The following CACNA1C variants were observed in gnomAD, a reference collection of about 807,000 sequenced individuals.
The protein encoded by CACNA1C is voltage-dependent L-type calcium channel subunit alpha-1C.
A neutral mutation model predicts 229.0 loss-of-function variants in CACNA1C; 30 were observed. The ratio of observed to expected loss-of-function variants is 0.13; its 90% CI spans 0.10 to 0.18. The LOEUF (loss-of-function observed/expected upper bound fraction) is 0.18. CACNA1C is among the 10% of genes least tolerant of loss of function. The pLI is 1.00. For synonymous variants in CACNA1C, 1,114 were observed against 1,132.5 expected, an observed-to-expected ratio of 0.98 and a Z score of 0.33; for missense variants, 1,658 against 2,845.0, an observed-to-expected ratio of 0.58 and a Z score of 9.49.
At chr12:2,636,487 T>C (rs1430588182) in intron 30 of CACNA1C, among the ~76,000 whole-genome samples, 5 of 152,208 alleles carry the variant, frequency 3.3e-5, no homozygotes, top group Non-Finnish European at 7.3e-5. Flanking sequence ...ATTGGAATAG[T>C]GGTTTTCTAT....
intron 18 of CACNA1C, among the ~76,000 whole-genome samples, chr12:2,589,160 A>G (rs1429453242): frequency 6.6e-6 from 1 of 152,070 alleles, no homozygotes; most frequent in Non-Finnish European, 1.5e-5. Flanking sequence ...TGTGCTAGGT[A>G]CCAGGGACAT....
intron 3 of CACNA1C, among the ~76,000 whole-genome samples, chr12:2,169,881 T>C (rs2096403892): frequency 6.6e-6 from 1 of 152,184 alleles, no homozygotes; most frequent in Admixed American, 6.5e-5. Context: ...TTAGAACAGG[T>C]TGATTGAGGA....
chr12:2,024,318 A>G (rs1812498074), intron 1 of CACNA1C, among the ~76,000 whole-genome samples: 2 of 152,310 alleles, frequency 1.3e-5, no homozygotes, highest in South Asian at 4.1e-4. Flanking sequence ...GTATTTATAG[A>G]TGACATCCTT....
intron 3 of CACNA1C, among the ~76,000 whole-genome samples, chr12:2,425,529 G>T (rs2099021601): frequency 6.6e-6 from 1 of 152,212 alleles, no homozygotes; most frequent in Non-Finnish European, 1.5e-5. Flanking sequence ...ACAACAGCAA[G>T]TCACATTTTG....
chr12:1,999,568 T>A (rs971046554), intron 1 of CACNA1C, among the ~76,000 whole-genome samples: 2 of 151,662 alleles, frequency 1.3e-5, no homozygotes, highest in African/African-American at 4.8e-5. Flanking sequence ...AAAACAAAAA[T>A]TTTTTTAATT....
At position 2,479,854 on chromosome 12, in the gene CACNA1C, C is replaced by T. The variant is rs1382193897; in HGVS notation, c.758-6250C>T. Among the ~76,000 whole-genome samples the T allele has an allele frequency of 1.3e-5, 2 of 152,132 alleles. No homozygotes were observed. Among genetic ancestry groups the T allele is most frequent in the Non-Finnish European group, 2.9e-5 (2 of 68,036 alleles). ...GCCATTTCTTTTCATCCAGGCTTTC[C>T]GTATTGGCAGAATCTCACATGGTGC... is the stretch of plus-strand genomic sequence containing the variant. On this transcript the variant is annotated intron_variant, in intron 5 of 46. Transcript: ENST00000399655. This position sits in a 1 kb window ranked among gnomAD's most constrained non-coding sequence, Gnocchi z 4.3.
Position 2,106,168 on chromosome 12 carries a change from T to C in CACNA1C, c.50-9056T>C, listed in dbSNP as rs28368256. Among the ~76,000 whole-genome samples the C allele has an allele frequency of 5.1e-4, 18 of 35,164 alleles. 2 individuals carry two copies. The highest frequency in any genetic ancestry group is 1.8e-3 in the Admixed American group (6 of 3,328). The allele number at this position is 35,164 out of a possible 152,430, so 23.1% of individuals were successfully genotyped here. On this transcript the variant is annotated intron_variant, in intron 1 of 46. Coordinates refer to ENST00000399655, the MANE Select transcript of CACNA1C (RefSeq NM_000719.7). ...TCCTGAAGCCACTGGGCGCCCACCCTGGAGAGAGTTTCCACCTCAGCTGGG... is the reference window on the plus strand; with the variant it reads ...TCCTGAAGCCACTGGGCGCCCACCCCGGAGAGAGTTTCCACCTCAGCTGGG...
At chr12:2,336,391 G>C (rs2096695971) in intron 3 of CACNA1C, among the ~76,000 whole-genome samples, 3 of 152,186 alleles carry the variant, frequency 2.0e-5, no homozygotes. Context: ...GGTTTTTAAA[G>C]AGCCGTGTTT....
intron 3 of CACNA1C, among the ~76,000 whole-genome samples, chr12:2,362,899 G>A (rs2097597141): frequency 6.6e-6 from 1 of 152,180 alleles, no homozygotes; most frequent in Non-Finnish European, 1.5e-5. Context: ...TCTGACCCAG[G>A]TGTGAACTGG....
intron 3 of CACNA1C, among the ~76,000 whole-genome samples, chr12:2,314,115 A>G (rs1339591995): frequency 2.0e-5 from 3 of 152,090 alleles, no homozygotes; most frequent in African/African-American, 7.2e-5. Context: ...TGTCACCATC[A>G]GGGAATCTAG....
At chr12:2,228,320 T>TA (rs1319664313) in intron 3 of CACNA1C, among the ~76,000 whole-genome samples, 1 of 152,210 alleles carries the variant, frequency 6.6e-6, no homozygotes, top group East Asian at 1.9e-4. Context: ...TTAATATGAT[T>TA]ACTCCATAAA....
At chr12:2,149,107 T>G (rs1417652053) in intron 3 of CACNA1C, among the ~76,000 whole-genome samples, 1 of 152,130 alleles carries the variant, frequency 6.6e-6, no homozygotes, top group Non-Finnish European at 1.5e-5. Flanking sequence ...AAGATGACAT[T>G]TGGGGCTAAT....
At chr12:2,372,811 T>C (rs1170334519) in intron 3 of CACNA1C, among the ~76,000 whole-genome samples, 4 of 152,236 alleles carry the variant, frequency 2.6e-5, no homozygotes, top group Non-Finnish European at 5.9e-5. Flanking sequence ...TGAGAAGTCC[T>C]GTCAGCCTCA....
At chr12:2,670,859 A>G (rs897472514) in intron 38 of CACNA1C, among the ~76,000 whole-genome samples, 2 of 151,926 alleles carry the variant, frequency 1.3e-5, no homozygotes, top group African/African-American at 4.8e-5. Flanking sequence ...ATCTGAAAAA[A>G]TAAAATAAAA....
intron 3 of CACNA1C, among the ~76,000 whole-genome samples, chr12:2,447,932 C>T (rs1262798089): frequency 6.6e-6 from 1 of 152,228 alleles, no homozygotes; most frequent in Non-Finnish European, 1.5e-5. Context: ...GGCCTATGCC[C>T]GAATGCAATG....
intron 3 of CACNA1C, among the ~76,000 whole-genome samples, chr12:2,332,782 T>C (rs1345138197): frequency 6.6e-6 from 1 of 152,192 alleles, no homozygotes; most frequent in Non-Finnish European, 1.5e-5. Context: ...CAGAATAAAA[T>C]GTACATGCAG....
intron 22 of CACNA1C, chr12:2,603,791 A>G (rs1002472925): frequency 6.6e-6 from 1 of 152,274 alleles, no homozygotes; most frequent in African/African-American, 2.4e-5. Flanking sequence ...AAGAAAGGTT[A>G]ATTGGAGACA....
intron 30 of CACNA1C, among the ~76,000 whole-genome samples, chr12:2,641,277 A>G (rs1035180016): frequency 2.0e-5 from 3 of 152,180 alleles, no homozygotes; most frequent in African/African-American, 7.2e-5. Context: ...CTAGATGAGG[A>G]CACAAAAGGC....
intron 1 of CACNA1C, among the ~76,000 whole-genome samples, chr12:1,990,217 T>C (rs1316506413): frequency 1.3e-5 from 2 of 152,234 alleles, no homozygotes; most frequent in Admixed American, 1.3e-4. Context: ...GAAAAAGTTA[T>C]GGGATAACCC....
Sources: allele counts gnomAD v4.1 joint callset (sites outside exome capture counted in the v4.1 genomes callset), GRCh38; gene constraint gnomAD v4.1.1; non-coding constraint Gnocchi (gnomAD v3.1); transcripts MANE v1.5; gene names NCBI Gene and HGNC (gene_info 2026-07-23, HGNC 2026-07-21).